The following RIPOR1 variants were observed in gnomAD, a reference collection of about 807,000 sequenced individuals.
The protein encoded by RIPOR1 is rho family-interacting cell polarization regulator 1.
A neutral mutation model predicts 116.5 loss-of-function variants in RIPOR1; 58 were observed. The ratio of observed to expected loss-of-function variants is 0.50; its 90% CI spans 0.40 to 0.62. The LOEUF is 0.62. RIPOR1 is among the 20% of genes least tolerant of loss of function. The pLI, the probability that RIPOR1 is intolerant of heterozygous loss-of-function variation, is 0.00. For missense variants in RIPOR1, 1,372 were observed against 1,586.2 expected (o/e 0.86, Z 2.29); for synonymous variants, 605 against 650.0 (o/e 0.93, Z 1.05).
upstream of RIPOR1, among the ~76,000 whole-genome samples, chr16:67,526,787 G>A (rs1245136339): frequency 6.6e-6 from 1 of 152,202 alleles, no homozygotes; most frequent in Non-Finnish European, 1.5e-5. Flanking sequence ...TGTCTGCAGA[G>A]AAAGTACTCA....
In RIPOR1 at chr16:67,531,798, A is replaced by G. The variant is rs1283765129; in HGVS notation, c.-24+2884A>G. On this transcript the variant is annotated intron_variant, in intron 1 of 21. Coordinates refer to ENST00000042381, the MANE Select transcript of RIPOR1 (RefSeq NM_024519.4). The surrounding 1 kb of genome is among the most constrained non-coding windows in gnomAD (Gnocchi z 4.2). ...ACAAGAGTGGCTGTGGCTATTTCACATCAGTCTGAATAGAGTGATATTAAA... is the reference window on the plus strand; with the variant it reads ...ACAAGAGTGGCTGTGGCTATTTCACGTCAGTCTGAATAGAGTGATATTAAA... 2.0e-5 allele frequency among the ~76,000 whole-genome samples: 3 copies of G among 152,232 alleles called. No individual in the cohort carries two copies. Among genetic ancestry groups the G allele is most frequent in the African/African-American group, 7.2e-5 (3 of 41,454 alleles).
chr16:67,523,521 T>TAAAAAAA, intron 1 of RIPOR1, among the ~76,000 whole-genome samples: 1 of 44,064 alleles, frequency 2.3e-5, no homozygotes, highest in Non-Finnish European at 4.9e-5. Flanking sequence ...CAAGACTCCA[T>TAAAAAAA]AAAAAAAAAA....
At position 67,541,059 on chromosome 16, in the gene RIPOR1, CATGT is replaced by C. The variant is rs1415486835; in HGVS notation, c.801+356_801+359del. ...AAGCATCCATGGCTCCATGAGCATG[CATGT>C]GTCTGTCTATCTATCTAGGAGTTGG... On this transcript the variant is annotated intron_variant, in intron 10 of 21. Coordinates refer to ENST00000042381, the MANE Select transcript of RIPOR1 (RefSeq NM_024519.4). This position sits in a 1 kb window ranked among gnomAD's most constrained non-coding sequence, Gnocchi z 4.6. Among the ~76,000 whole-genome samples, 2 of 152,080 alleles carry C rather than the reference CATGT, an allele frequency of 1.3e-5. No homozygotes were observed. Among genetic ancestry groups the C allele is most frequent in the East Asian group, 1.9e-4 (1 of 5,144 alleles).
intron 3 of RIPOR1, 47 bp from the exon 4 acceptor site, chr16:67,538,943 T>C (rs1351425307): frequency 6.2e-7 from 1 of 1,611,074 alleles, no homozygotes; most frequent in African/African-American, 1.3e-5. Flanking sequence ...CTGGGCAGCA[T>C]GAGGCTGGAG....
rs2050620026 is a variant in RIPOR1 at position 67,530,182 on chromosome 16, C to G, written c.-24+1268C>G. ...GCTTGAGAGAAGCGGGCGGGGAGGG[C>G]GCGGGTGAGTCACGGCGGCCCCTCT... On this transcript the variant is annotated intron_variant, in intron 1 of 21. Coordinates refer to ENST00000042381, the MANE Select transcript of RIPOR1 (RefSeq NM_024519.4). The surrounding 1 kb of genome is among the most constrained non-coding windows in gnomAD (Gnocchi z 4.5). The G allele has an allele frequency of 2.9e-6, 1 of 344,548 alleles. No individual in the cohort carries two copies. The highest frequency in any genetic ancestry group is 4.3e-5 in the South Asian group (1 of 23,340). The allele number at this position is 344,548 out of a possible 1,614,324, so 21.3% of individuals were successfully genotyped here.
rs745472740 is a variant in RIPOR1 at position 67,545,880 on chromosome 16, C to G, written c.3387+20C>G. 12 of 1,610,368 alleles carry G rather than the reference C, an allele frequency of 7.5e-6. No homozygotes were observed. In the South Asian group the frequency reaches 1.3e-4, roughly 18 times the overall value. On this transcript the variant is annotated intron_variant, in intron 19 of 21. Transcript: ENST00000042381. This position sits in a 1 kb window ranked among gnomAD's most constrained non-coding sequence, Gnocchi z 4.8. ...GAGAGGGTGAGTTGGACAGGGCTCC[C>G]TTGAGGGCGAGGGCTGGGGTCCTGG...
rs1426279338 is a variant in RIPOR1 at position 67,545,729 on chromosome 16, C to T, written c.3256C>T (p.Pro1086Ser). ...AVVLKALRLA[P>S]EGRLRRDGLR... ...TGTGCTGAAGGCCCTGAGATTGGCG[C>T]CCGAGGGGCGTCTGCGAAGGGACGG... The change falls in exon 19 of 22, where the codon CCC (proline) becomes TCC (serine). Residue 1086 changes from proline (P) to serine (S), a missense_variant. Pro to Ser is a moderately conservative substitution (Grantham distance 74). Transcript: ENST00000042381. The surrounding 1 kb of genome is among the most constrained non-coding windows in gnomAD (Gnocchi z 4.8). 6.2e-7 allele frequency: 1 copy of T among 1,604,320 alleles called. No individual in the cohort carries two copies. The highest frequency in any genetic ancestry group is 2.2e-5 in the East Asian group (1 of 44,828).
intron 4 of RIPOR1, chr16:67,539,318 C>G (rs560522046): frequency 3.0e-4 from 160 of 535,356 alleles, no homozygotes; most frequent in African/African-American, 3.0e-3. Flanking sequence ...ACATGGACAG[C>G]AGGAGATTCT....
chr16:67,540,235 C>T lies in RIPOR1; in HGVS notation c.567+30C>T, dbSNP rs1178736856. 1.2e-6 allele frequency: 2 copies of T among 1,613,856 alleles called. No individual in the cohort carries two copies. The highest frequency in any genetic ancestry group is 1.1e-5 in the South Asian group (1 of 91,068). On this transcript the variant is annotated intron_variant, in intron 7 of 21. Transcript: ENST00000042381. The surrounding 1 kb of genome is among the most constrained non-coding windows in gnomAD (Gnocchi z 4.7). Reference sequence around the variant, plus strand: ...GGGATGGGGGCCCATGAGGCAGAGGCACAGGGTGTGGCAGGGCTAGTGGCT... The same window carrying T: ...GGGATGGGGGCCCATGAGGCAGAGGTACAGGGTGTGGCAGGGCTAGTGGCT...
intron 1 of RIPOR1, among the ~76,000 whole-genome samples, chr16:67,532,058 A>ATT (rs56900618): frequency 0.039 from 5,605 of 144,136 alleles, 357 homozygotes; most frequent in African/African-American, 0.13. Context: ...CGCCCAGCTA[A>ATT]TTTTTTTTTT....
chr16:67,542,947 G>A lies in RIPOR1; in HGVS notation c.2161G>A (p.Ala721Thr). 2 of 1,589,976 alleles carry A rather than the reference G, an allele frequency of 1.3e-6. No individual in the cohort carries two copies. The highest frequency in any genetic ancestry group is 1.7e-6 in the Non-Finnish European group (2 of 1,166,824). Residue 721 changes from alanine (A) to threonine (T), a missense_variant, in exon 13 of 22, where the codon GCC becomes ACC. Ala to Thr is a moderately conservative substitution (Grantham distance 58). Coordinates refer to ENST00000042381, the MANE Select transcript of RIPOR1 (RefSeq NM_024519.4). The surrounding 1 kb of genome is among the most constrained non-coding windows in gnomAD (Gnocchi z 4.6). Reference protein sequence around the residue: ...SNSYTQADPMAPRTPHPSPAH... With the variant: ...SNSYTQADPMTPRTPHPSPAH... ...TTCCTACACTCAGGCAGACCCTATG[G>A]CCCCCAGAACTCCCCACCCAAGTCC...
chr16:67,529,618 C>A lies in RIPOR1; in HGVS notation c.-24+704C>A. On this transcript the variant is annotated intron_variant, in intron 1 of 21. Transcript: ENST00000042381. This position sits in a 1 kb window ranked among gnomAD's most constrained non-coding sequence, Gnocchi z 4.1. ...GTCGGATTCAGTCCAGATTCAGCAC[C>A]CTTTGTCCTCCTCTCCAGGGTGAGC... The A allele has an allele frequency of 2.8e-6, 2 of 710,018 alleles. No homozygotes were observed. The highest frequency in any genetic ancestry group is 3.7e-5 in the South Asian group (2 of 54,372). The allele number at this position is 710,018 out of a possible 1,614,324, so 44.0% of individuals were successfully genotyped here.
Position 67,538,398 on chromosome 16 carries a change from C to T in RIPOR1, c.-23-26C>T, listed in dbSNP as rs765807346. On this transcript the variant is annotated intron_variant, in intron 1 of 21. Transcript: ENST00000042381. ...GAGGGCTTCGGGGATCCGACTGGTA[C>T]TGGACACCCCCCCGATCACCCGCAG... 2.8e-5 allele frequency: 43 copies of T among 1,550,102 alleles called. No individual in the cohort carries two copies. In the African/African-American group the frequency reaches 3.6e-4, roughly 13 times the overall value.
At chr16:67,525,475 G>A (rs1172160196), upstream of RIPOR1, among the ~76,000 whole-genome samples, 1 of 152,122 alleles carries the variant, frequency 6.6e-6, no homozygotes, top group Non-Finnish European at 1.5e-5. Context: ...TGGGATGGGG[G>A]TGGGGGTTGC....
At chr16:67,538,092 G>T (rs983066070) in intron 1 of RIPOR1, 29 of 268,368 alleles carry the variant, frequency 1.1e-4, no homozygotes, top group African/African-American at 5.9e-4. Flanking sequence ...AGGCGCTTCC[G>T]CACATTCTTC....
At chr16:67,539,642 A>G in intron 4 of RIPOR1, 86 bp from the exon 5 acceptor site, 1 of 1,498,792 alleles carries the variant, frequency 6.7e-7, no homozygotes, top group Non-Finnish European at 9.3e-7. Context: ...TGGTGTGAGA[A>G]AGGGGAGCTG....
intron 1 of RIPOR1, among the ~76,000 whole-genome samples, chr16:67,520,371 C>G (rs1472855456): frequency 7.1e-6 from 1 of 141,658 alleles, no homozygotes; most frequent in East Asian, 2.0e-4. Context: ...CAGTGAGACC[C>G]CATCTCAAAA....
chr16:67,521,101 G>A lies in RIPOR1; in HGVS notation c.-24+2488G>A, dbSNP rs981541021. On this transcript the variant is annotated intron_variant, in intron 1 of 1. Coordinates refer to the RIPOR1 transcript ENST00000562116. ...TCCCAGGATCCGTGATCAGGTCTGA[G>A]TGTCAGCAGAGCTGTCACACAGAAC... Among the ~76,000 whole-genome samples, 4 of 152,302 alleles carry A rather than the reference G, an allele frequency of 2.6e-5. No individual in the cohort carries two copies. The East Asian group carries it at 5.8e-4, about 22-fold the overall frequency.
At chr16:67,523,240 G>A (rs966953303) in intron 1 of RIPOR1, among the ~76,000 whole-genome samples, 5 of 152,030 alleles carry the variant, frequency 3.3e-5, no homozygotes, top group Non-Finnish European at 7.4e-5. Flanking sequence ...CCCACTGCGG[G>A]ACTATGTCAT....
Sources: gnomAD v4.1 joint callset for allele counts (sites outside exome capture counted in the v4.1 genomes callset) on GRCh38, gnomAD v4.1.1 for gene constraint, Gnocchi (gnomAD v3.1) non-coding constraint, MANE v1.5 for transcripts, NCBI Gene and HGNC (gene_info 2026-07-23, HGNC 2026-07-21) for gene names.